Variants in CTNNA2 observed in about 807,000 individuals in gnomAD.
CTNNA2 encodes catenin alpha 2.
Under a neutral mutation model 101.0 loss-of-function variants are expected in CTNNA2, and 42 were observed. The observed-to-expected ratio is 0.42, with a 90% CI of 0.32 to 0.54. CTNNA2 has a LOEUF of 0.54. Among genes scored for constraint, CTNNA2 ranks in the 20% least tolerant of loss-of-function variants. CTNNA2 has a pLI of 0.14. For missense variants in CTNNA2, 871 were observed against 1,223.1 expected, an observed-to-expected ratio of 0.71 and a Z score of 4.29; for synonymous variants, 450 against 456.4, an observed-to-expected ratio of 0.99 and a Z score of 0.18.
rs543757401 is a variant in CTNNA2, at chr2:80,152,164, C to T, written c.1057-241047C>T. On this transcript the variant is annotated intron_variant, in intron 7 of 18. Coordinates refer to ENST00000402739, the MANE Select transcript of CTNNA2 (RefSeq NM_001282597.3). Reference sequence around the variant, plus strand: ...CATCTTTCTAGACTGTGGTTTCATACGATTCAGTTAAGAATACTTGATCCC... The same window carrying T: ...CATCTTTCTAGACTGTGGTTTCATATGATTCAGTTAAGAATACTTGATCCC... Among the ~76,000 whole-genome samples, 7 of 152,300 alleles carry T rather than the reference C, an allele frequency of 4.6e-5. No homozygotes were observed. In the South Asian group the frequency reaches 1.0e-3, roughly 23 times the overall value.
Position 80,416,653 on chromosome 2 carries a change from A to G in CTNNA2, c.1138-2796A>G, listed in dbSNP as rs543905716. 7.7e-4 allele frequency among the ~76,000 whole-genome samples: 117 copies of G among 152,116 alleles called. 1 individual carries two copies. In the South Asian group the frequency reaches 0.024, roughly 31 times the overall value. ...ATTCCCTTTCTCATCCCCTTTTCAC[A>G]ATGTTGTAATATGTCTTTATTGTCA... On this transcript the variant is annotated intron_variant, in intron 8 of 18. Coordinates refer to ENST00000402739, the MANE Select transcript of CTNNA2 (RefSeq NM_001282597.3).
chr2:80,269,525 G>T (rs151284323), intron 7 of CTNNA2, among the ~76,000 whole-genome samples: 9 of 152,040 alleles, frequency 5.9e-5, no homozygotes, highest in Non-Finnish European at 1.2e-4. Context: ...TAATTCATCG[G>T]TGCTCTTGCA....
intron 9 of CTNNA2, among the ~76,000 whole-genome samples, chr2:80,433,109 A>G (rs993920571): frequency 6.6e-6 from 1 of 152,200 alleles, no homozygotes; most frequent in African/African-American, 2.4e-5. Context: ...CATCCCCACA[A>G]TCAAGTATCT....
chr2:79,773,506 T>C (rs1352260271), intron 3 of CTNNA2, among the ~76,000 whole-genome samples: 1 of 152,192 alleles, frequency 6.6e-6, no homozygotes, highest in African/African-American at 2.4e-5. Context: ...TTACATTCTT[T>C]TGAGTTTCTG....
At chr2:79,921,171 G>A (rs969755846) in intron 7 of CTNNA2, among the ~76,000 whole-genome samples, 3 of 152,162 alleles carry the variant, frequency 2.0e-5, no homozygotes, top group Admixed American at 6.5e-5. Flanking sequence ...TGCTGAGGGG[G>A]TTTTGATCTC....
chr2:79,536,574 A>AGTATGTGTGTGTGTGTGTAT lies in CTNNA2; in HGVS notation c.-6+23369_-6+23370insATGTGTGTGTGTGTGTATGT, dbSNP rs34403615. Among the ~76,000 whole-genome samples, 547 of 146,806 alleles carry AGTATGTGTGTGTGTGTGTAT rather than the reference A, an allele frequency of 3.7e-3. 3 individuals carry two copies. Among genetic ancestry groups the AGTATGTGTGTGTGTGTGTAT allele is most frequent in the Non-Finnish European group, 6.2e-3 (411 of 66,558 alleles). On this transcript the variant is annotated intron_variant, in intron 1 of 18. Coordinates refer to ENST00000402739, the MANE Select transcript of CTNNA2 (RefSeq NM_001282597.3). The stretch of plus-strand genomic sequence containing the variant: ...ATATACACCTAAATATCTCTAAAGA[A>AGTATGTGTGTGTGTGTGTAT]GTGTGTGTGTGTGTGTGTGTGTGTG...
At chr2:79,949,918 G>T (rs1688763956) in intron 7 of CTNNA2, among the ~76,000 whole-genome samples, 1 of 152,140 alleles carries the variant, frequency 6.6e-6, no homozygotes, top group African/African-American at 2.4e-5. Context: ...TATATTAACT[G>T]TAATTGTTGG....
intron 11 of CTNNA2, 71 bp from the exon 12 acceptor site, chr2:80,555,622 T>C: frequency 2.3e-6 from 2 of 884,062 alleles, no homozygotes; most frequent in South Asian, 2.7e-5. Flanking sequence ...TCATGAGAGT[T>C]GAATCAATTT....
intron 2 of CTNNA2, among the ~76,000 whole-genome samples, chr2:79,738,364 A>G (rs949083519): frequency 6.6e-6 from 1 of 152,178 alleles, no homozygotes; most frequent in Admixed American, 6.5e-5. Flanking sequence ...AAAGTTGAGT[A>G]TTCTTGTAGG....
intron 4 of CTNNA2, among the ~76,000 whole-genome samples, chr2:79,411,236 C>T (rs1317421175): frequency 5.9e-5 from 9 of 151,564 alleles, no homozygotes; most frequent in Admixed American, 5.3e-4. Context: ...TTTTGATGAT[C>T]CTTTCAAAAA....
At chr2:80,593,175 C>T (rs1282947005) in intron 15 of CTNNA2, among the ~76,000 whole-genome samples, 4 of 152,132 alleles carry the variant, frequency 2.6e-5, no homozygotes, top group Non-Finnish European at 5.9e-5. Context: ...TACAAACCCA[C>T]AAAATAGAAA....
intron 3 of CTNNA2, among the ~76,000 whole-genome samples, chr2:79,314,969 T>C (rs17016787): frequency 0.11 from 16,542 of 152,130 alleles, 1,099 homozygotes; most frequent in Middle Eastern, 0.21. Flanking sequence ...TTTTGGAAAA[T>C]GGAAATGAAT....
At chr2:80,129,959 A>T (rs1702325610) in intron 7 of CTNNA2, among the ~76,000 whole-genome samples, 1 of 152,162 alleles carries the variant, frequency 6.6e-6, no homozygotes, top group Non-Finnish European at 1.5e-5. Context: ...TCTAAATAAA[A>T]AATTATGATA....
At chr2:79,257,483 A>C (rs900160734) in intron 2 of CTNNA2, among the ~76,000 whole-genome samples, 1 of 151,136 alleles carries the variant, frequency 6.6e-6, no homozygotes, top group African/African-American at 2.4e-5. Context: ...TGGCAGAGGA[A>C]GGGAGAAAGT....
intron 9 of CTNNA2, among the ~76,000 whole-genome samples, chr2:80,502,162 C>T (rs1435695467): frequency 6.6e-6 from 1 of 152,104 alleles, no homozygotes; most frequent in Non-Finnish European, 1.5e-5. Flanking sequence ...CAGCAGTGCT[C>T]CTCCTCACAC....
At chr2:80,392,932 T>C (rs1023939262) in intron 7 of CTNNA2, among the ~76,000 whole-genome samples, 3 of 152,222 alleles carry the variant, frequency 2.0e-5, no homozygotes, top group Non-Finnish European at 2.9e-5. Context: ...ACTTAACTGC[T>C]AAGCGTCTGG....
intron 7 of CTNNA2, among the ~76,000 whole-genome samples, chr2:80,104,628 G>A (rs928583586): frequency 6.6e-6 from 1 of 152,206 alleles, no homozygotes; most frequent in African/African-American, 2.4e-5. Context: ...TAGCCCAGAG[G>A]CCAGGAGTGG....
At chr2:79,222,812 C>A (rs1373850142) in intron 2 of CTNNA2, among the ~76,000 whole-genome samples, 1 of 151,878 alleles carries the variant, frequency 6.6e-6, no homozygotes, top group Non-Finnish European at 1.5e-5. Flanking sequence ...GTGATTAGAT[C>A]AGAAGGGTGG....
intron 3 of CTNNA2, among the ~76,000 whole-genome samples, chr2:79,773,578 C>A (rs1456544838): frequency 6.6e-6 from 1 of 152,158 alleles, no homozygotes; most frequent in East Asian, 1.9e-4. Context: ...GAGGGGATGA[C>A]TTTGAATAGA....
Sources: allele counts gnomAD v4.1 joint callset (sites outside exome capture counted in the v4.1 genomes callset), GRCh38; gene constraint gnomAD v4.1.1; transcripts MANE v1.5; gene names NCBI Gene and HGNC (gene_info 2026-07-23, HGNC 2026-07-21).